Variants in C3orf20 observed in about 807,000 individuals in gnomAD.
C3orf20 encodes family with sequence similarity 149 member C, also known as uncharacterized protein C3orf20.
C3orf20 carries 76 observed loss-of-function variants against 88.3 expected under a neutral mutation model. That is an observed-to-expected ratio of 0.86 (90% CI 0.72 to 1.04). The LOEUF (loss-of-function observed/expected upper bound fraction) is 1.04, where lower values mean the gene tolerates loss of function less well. C3orf20 is among the 50% of genes least tolerant of loss of function. The pLI is 0.00. For synonymous variants in C3orf20, 436 were observed against 437.4 expected (o/e 1.00, Z 0.04); for missense variants, 1,056 against 1,123.3 (o/e 0.94, Z 0.86).
chr3:14,724,066 G>A lies in C3orf20; in HGVS notation c.1566+2282G>A, dbSNP rs76493507. On this transcript the variant is annotated intron_variant, in intron 10 of 16. Coordinates refer to ENST00000253697, the MANE Select transcript of C3orf20 (RefSeq NM_032137.5). ...ACTCCTGACCTTAGATGACCCACGC[G>A]CCTCAGCCTCCCAAAGTGCTGGGAT... 8.8e-3 allele frequency among the ~76,000 whole-genome samples: 1,341 copies of A among 152,054 alleles called. 23 individuals are homozygous for A. The highest frequency in any genetic ancestry group is 0.031 in the African/African-American group (1,279 of 41,460).
At position 14,727,031 on chromosome 3, in the gene C3orf20, A is replaced by T; in HGVS notation, c.1690+7A>T. ...TCTATCTTGCTGGCCGCAGGTAAGG[A>T]GGCTGAAAGGTGGGCGAAGGCCTAT... On this transcript the variant is annotated splice_region_variant and intron_variant, in intron 11 of 16. Transcript: ENST00000253697. 1 of 1,614,102 alleles carries T rather than the reference A, an allele frequency of 6.2e-7. No individual in the cohort carries two copies. Among genetic ancestry groups the T allele is most frequent in the South Asian group, 1.1e-5 (1 of 91,078 alleles).
Position 14,724,033 on chromosome 3 carries a change from G to A in C3orf20, c.1566+2249G>A, listed in dbSNP as rs544769675. ...AGGGTTTCACCATGTTGGCCAGGCT[G>A]GTCTCAAACTCCTGACCTTAGATGA... On this transcript the variant is annotated intron_variant, in intron 10 of 16. Transcript: ENST00000253697. Among the ~76,000 whole-genome samples the A allele has an allele frequency of 8.5e-5, 13 of 152,094 alleles. No homozygotes were observed. The South Asian group carries it at 2.7e-3, about 32-fold the overall frequency.
intron 1 of C3orf20, among the ~76,000 whole-genome samples, chr3:14,676,161 C>G (rs2031759153): frequency 7.0e-6 from 1 of 143,728 alleles, no homozygotes; most frequent in African/African-American, 2.6e-5. Flanking sequence ...CAGAGCACCT[C>G]CCCGCACCCC....
At position 14,755,312 on chromosome 3, in the gene C3orf20, A is replaced by G. The variant is rs578249597; in HGVS notation, c.1941-2059A>G. ...TTCTTTCATGTAGTTGACTTTATCA[A>G]TCTTTTTCTATTATGACTTCTGGAT... On this transcript the variant is annotated intron_variant, in intron 12 of 16. Transcript: ENST00000253697. Among the ~76,000 whole-genome samples, 11 of 152,236 alleles carry G rather than the reference A, an allele frequency of 7.2e-5. No individual in the cohort carries two copies. The South Asian group carries it at 2.3e-3, about 32-fold the overall frequency.
intron 7 of C3orf20, among the ~76,000 whole-genome samples, chr3:14,710,897 C>CT (rs57794141): frequency 3.1e-4 from 42 of 136,414 alleles, no homozygotes; most frequent in East Asian, 1.0e-3. Flanking sequence ...CTTTCTTTTT[C>CT]TTTTTTTTTT....
intron 7 of C3orf20, among the ~76,000 whole-genome samples, chr3:14,707,448 TGTGTG>T (rs2033558435): frequency 2.4e-4 from 4 of 16,456 alleles, no homozygotes; most frequent in African/African-American, 1.1e-3. Context: ...TCTTTTCTTG[TGTGTG>T]TGTGTGTGTG....
rs552628329 is a variant in C3orf20, at chr3:14,689,759, C to T, written c.626-238C>T. Among the ~76,000 whole-genome samples the T allele has an allele frequency of 5.9e-5, 9 of 151,900 alleles. No individual in the cohort carries two copies. The East Asian group carries it at 1.4e-3, about 23-fold the overall frequency. ...GCTTGCTGTTCCTTGTTCCGGTCCC[C>T]CTCTTGAGAGGGTTGGGGAGGAGAG... On this transcript the variant is annotated intron_variant, in intron 4 of 16. Transcript: ENST00000253697.
At chr3:14,746,506 C>A (rs1034832093) in intron 12 of C3orf20, among the ~76,000 whole-genome samples, 10 of 152,172 alleles carry the variant, frequency 6.6e-5, no homozygotes, top group African/African-American at 2.4e-4. Context: ...GAGATAACTG[C>A]AACATATATT....
intron 12 of C3orf20, among the ~76,000 whole-genome samples, chr3:14,755,772 G>A (rs1404355299): frequency 6.6e-6 from 1 of 152,208 alleles, no homozygotes; most frequent in Non-Finnish European, 1.5e-5. Context: ...GCTCACGCCT[G>A]TAATCCCAGC....
At chr3:14,699,973 T>A (rs1364009834) in intron 5 of C3orf20, among the ~76,000 whole-genome samples, 1 of 152,190 alleles carries the variant, frequency 6.6e-6, no homozygotes, top group African/African-American at 2.4e-5. Flanking sequence ...GTCTAAATGC[T>A]CCCTCCATGA....
At chr3:14,770,153 G>C (rs1408354801) in intron 15 of C3orf20, among the ~76,000 whole-genome samples, 1 of 152,150 alleles carries the variant, frequency 6.6e-6, no homozygotes, top group East Asian at 1.9e-4. Flanking sequence ...CTGGACCATA[G>C]GCCCAGACAC....
chr3:14,759,824 A>T, intron 13 of C3orf20, 67 bp from the exon 14 acceptor site: 1 of 1,367,276 alleles, frequency 7.3e-7, no homozygotes, highest in South Asian at 1.2e-5. Context: ...CCTAGCCGAG[A>T]ATATGGCAAT....
rs2035880788 is a variant in C3orf20, at chr3:14,772,269, T to C, written c.2630+68T>C. ...CAGGCCACCTCGGGGCTATTTGGCC[T>C]TGGGCAAGTCACTACCCCCAGGCGT... On this transcript the variant is annotated intron_variant, in intron 16 of 16. Transcript: ENST00000253697. This position sits in a 1 kb window ranked among gnomAD's most constrained non-coding sequence, Gnocchi z 4.2. 6.2e-7 allele frequency: 1 copy of C among 1,604,526 alleles called. No homozygotes were observed. Among genetic ancestry groups the C allele is most frequent in the African/African-American group, 1.3e-5 (1 of 74,750 alleles).
chr3:14,732,341 T>G (rs957576656), intron 12 of C3orf20, among the ~76,000 whole-genome samples: 3 of 152,270 alleles, frequency 2.0e-5, no homozygotes, highest in African/African-American at 7.2e-5. Context: ...GATTGTTTTC[T>G]TATTGTGAGT....
intron 15 of C3orf20, among the ~76,000 whole-genome samples, chr3:14,764,129 CAGA>C (rs2125041461): frequency 6.6e-6 from 1 of 151,968 alleles, no homozygotes; most frequent in Admixed American, 6.6e-5. Context: ...ACTAGACACA[CAGA>C]AGTAGACACA....
Position 14,726,949 on chromosome 3 carries a change from C to G in C3orf20, c.1615C>G (p.Arg539Gly). ...NMDDKVYKMSRALAEIKKRFQ... is the reference protein window; with the variant it reads ...NMDDKVYKMSGALAEIKKRFQ... The stretch of plus-strand genomic sequence containing the variant: ...GGACGACAAGGTGTATAAGATGAGC[C>G]GAGCCCTGGCTGAGATCAAGAAGCG... The change falls in exon 11 of 17, where the codon CGA becomes GGA. Residue 539 changes from arginine to glycine, a missense_variant. By Grantham distance (125) the Arg-to-Gly change is moderately radical (BLOSUM62 -2). Transcript: ENST00000253697. The G allele has an allele frequency of 6.2e-7, 1 of 1,614,126 alleles. No individual in the cohort carries two copies. Among genetic ancestry groups the G allele is most frequent in the Non-Finnish European group, 8.5e-7 (1 of 1,180,018 alleles).
chr3:14,716,035 A>AAG (rs1303265606), intron 9 of C3orf20, among the ~76,000 whole-genome samples: 1 of 152,214 alleles, frequency 6.6e-6, no homozygotes, highest in African/African-American at 2.4e-5. Flanking sequence ...AGAGTTCCTC[A>AAG]TCATTGACAC....
intron 12 of C3orf20, among the ~76,000 whole-genome samples, chr3:14,739,862 T>A (rs554461553): frequency 1.3e-5 from 2 of 152,368 alleles, no homozygotes; most frequent in South Asian, 4.1e-4. Flanking sequence ...ATTACGATTT[T>A]TCCTTTGTGG....
intron 7 of C3orf20, among the ~76,000 whole-genome samples, chr3:14,712,414 G>A (rs2033788013): frequency 6.6e-6 from 1 of 152,110 alleles, no homozygotes; most frequent in African/African-American, 2.4e-5. Flanking sequence ...ATAAATTTAT[G>A]TTGCTTTTAG....
Sources: gnomAD v4.1 joint callset for allele counts (sites outside exome capture counted in the v4.1 genomes callset) on GRCh38, gnomAD v4.1.1 for gene constraint, Gnocchi (gnomAD v3.1) non-coding constraint, MANE v1.5 for transcripts, NCBI Gene and HGNC (gene_info 2026-07-23, HGNC 2026-07-21) for gene names.